Variants in SERPINE2 observed in about 807,000 individuals in gnomAD.
SERPINE2 encodes the protein serpin family E member 2.
A neutral mutation model predicts 36.3 loss-of-function variants in SERPINE2; 14 were observed. The ratio of observed to expected loss-of-function variants is 0.39; its 90% CI spans 0.25 to 0.60. The LOEUF is 0.60. Among genes scored for constraint, SERPINE2 ranks in the 20% least tolerant of loss-of-function variants. SERPINE2 has a pLI of 0.57. For missense variants in SERPINE2, 418 were observed against 499.6 expected (o/e 0.84, Z 1.56); for synonymous variants, 192 against 191.8 (o/e 1.00, Z -0.01).
intron 1 of SERPINE2, among the ~76,000 whole-genome samples, chr2:224,018,743 C>G (rs1333242902): frequency 1.3e-5 from 2 of 152,238 alleles, no homozygotes; most frequent in Non-Finnish European, 2.9e-5. Context: ...ACACCACCAA[C>G]TGTTCATCCA....
chr2:224,036,848 C>T (rs942379907), intron 1 of SERPINE2, among the ~76,000 whole-genome samples: 2 of 151,602 alleles, frequency 1.3e-5, no homozygotes, highest in African/African-American at 4.9e-5. Flanking sequence ...AAGAAAAAAG[C>T]TCACAGGGAG....
chr2:223,992,932 C>T (rs1222237762), intron 3 of SERPINE2, among the ~76,000 whole-genome samples: 2 of 152,078 alleles, frequency 1.3e-5, no homozygotes, highest in East Asian at 1.9e-4. Context: ...GGAAACATAG[C>T]TAGACCCCAT....
At chr2:224,023,907 C>G (rs1692094646) in intron 1 of SERPINE2, among the ~76,000 whole-genome samples, 1 of 152,192 alleles carries the variant, frequency 6.6e-6, no homozygotes, top group African/African-American at 2.4e-5. Context: ...GAAACCCATG[C>G]AGCTTTGGTC....
At chr2:223,986,076 T>C (rs1008772604) in intron 4 of SERPINE2, among the ~76,000 whole-genome samples, 2 of 152,178 alleles carry the variant, frequency 1.3e-5, no homozygotes, top group Non-Finnish European at 2.9e-5. Context: ...AACTTCAATA[T>C]GCCAGTTCTC....
intron 1 of SERPINE2, among the ~76,000 whole-genome samples, chr2:224,011,974 T>TA (rs1691638667): frequency 6.6e-6 from 1 of 152,244 alleles, no homozygotes; most frequent in Non-Finnish European, 1.5e-5. Flanking sequence ...ACCTGTTACC[T>TA]CGGTCAATTA....
chr2:223,986,332 C>A (rs937908000), intron 4 of SERPINE2, among the ~76,000 whole-genome samples: 1 of 152,134 alleles, frequency 6.6e-6, no homozygotes, highest in Non-Finnish European at 1.5e-5. Flanking sequence ...GTTCAGTAAC[C>A]CGGGTGCAGC....
chr2:224,038,981 T>G, intron 1 of SERPINE2, 118 bp downstream of exon 1: 1 of 152,990 alleles, frequency 6.5e-6, no homozygotes, highest in Non-Finnish European at 1.5e-5. Context: ...GCCCCGCAGC[T>G]TCCCGGCCGG....
At chr2:223,985,606 T>C (rs1277343728) in intron 4 of SERPINE2, among the ~76,000 whole-genome samples, 1 of 152,150 alleles carries the variant, frequency 6.6e-6, no homozygotes, top group African/African-American at 2.4e-5. Flanking sequence ...CAGGCCCATA[T>C]CAACCCTTCA....
chr2:224,014,849 C>T (rs1002427761), intron 1 of SERPINE2, among the ~76,000 whole-genome samples: 4 of 152,178 alleles, frequency 2.6e-5, no homozygotes, highest in Admixed American at 1.3e-4. Context: ...CCAGGCCTGG[C>T]GCTGGGATGC....
intron 1 of SERPINE2, among the ~76,000 whole-genome samples, chr2:224,032,383 G>A (rs1478708524): frequency 2.0e-5 from 3 of 152,072 alleles, no homozygotes; most frequent in Non-Finnish European, 4.4e-5. Flanking sequence ...AGCTATATTT[G>A]CTGGAACTAC....
At chr2:224,037,078 T>C (rs1431518252) in intron 1 of SERPINE2, among the ~76,000 whole-genome samples, 7 of 152,192 alleles carry the variant, frequency 4.6e-5, no homozygotes, top group Admixed American at 4.6e-4. Flanking sequence ...TTTTAGTTGG[T>C]TTTCTCCCAC....
intron 4 of SERPINE2, among the ~76,000 whole-genome samples, chr2:223,986,539 C>T (rs1383481915): frequency 6.6e-6 from 1 of 151,756 alleles, no homozygotes; most frequent in African/African-American, 2.4e-5. Context: ...TTGAAGAAAA[C>T]ATTAAATCTC....
chr2:223,984,534 C>T (rs1478362861), intron 5 of SERPINE2, among the ~76,000 whole-genome samples: 3 of 152,194 alleles, frequency 2.0e-5, no homozygotes, highest in Admixed American at 6.5e-5. Context: ...GTTGCCCTCT[C>T]TCCTTTCTTA....
intron 1 of SERPINE2, among the ~76,000 whole-genome samples, chr2:224,036,642 TA>T (rs59322455): frequency 0.21 from 29,537 of 142,606 alleles, 3,037 homozygotes; most frequent in African/African-American, 0.24. Flanking sequence ...TAATAAAAAT[TA>T]AAAAAAAAAA....
chr2:223,989,096 C>T lies in SERPINE2; in HGVS notation c.685+2707G>A, dbSNP rs145826755. On this transcript the variant is annotated intron_variant, in intron 4 of 8. Transcript: ENST00000409304. Reference sequence around the variant, plus strand: ...CATATATATTGTACATGGAGGTATACTGAGGATTTTGCAATGAGCATGAAA... The same window carrying T: ...CATATATATTGTACATGGAGGTATATTGAGGATTTTGCAATGAGCATGAAA... 9.6e-3 allele frequency among the ~76,000 whole-genome samples: 1,457 copies of T among 152,272 alleles called. 15 individuals carry two copies. Among genetic ancestry groups the T allele is most frequent in the Middle Eastern group, 0.051 (15 of 294 alleles).
chr2:223,992,234 A>G lies in SERPINE2; in HGVS notation c.488-234T>C, dbSNP rs563432055. On this transcript the variant is annotated intron_variant, in intron 3 of 8. Transcript: ENST00000409304. ...GAAAAGACTTTAGAAACCCCTAGCT[A>G]GGGGTTACAAAACTTTTCATCAAGA... Among the ~76,000 whole-genome samples, 3 of 152,294 alleles carry G rather than the reference A, an allele frequency of 2.0e-5. No individual in the cohort carries two copies. In the East Asian group the frequency reaches 5.8e-4, roughly 29 times the overall value.
intron 1 of SERPINE2, among the ~76,000 whole-genome samples, chr2:224,011,656 T>C (rs934968356): frequency 2.0e-5 from 3 of 152,224 alleles, no homozygotes; most frequent in African/African-American, 7.2e-5. Context: ...AAATTGATTT[T>C]TTAAAAATCT....
chr2:223,982,847 T>C (rs1690271353), intron 5 of SERPINE2, 66 bp from the exon 6 acceptor site: 1 of 1,130,096 alleles, frequency 8.8e-7, no homozygotes, highest in Non-Finnish European at 1.3e-6. Flanking sequence ...ATAGAGTCGG[T>C]GCATGTTTAC....
intron 4 of SERPINE2, among the ~76,000 whole-genome samples, chr2:223,990,212 G>A (rs1690608680): frequency 6.6e-6 from 1 of 152,184 alleles, no homozygotes; most frequent in Non-Finnish European, 1.5e-5. Flanking sequence ...CAGGGTGGAA[G>A]CGGGTAAAGA....
Sources: allele counts gnomAD v4.1 joint callset (sites outside exome capture counted in the v4.1 genomes callset), GRCh38; gene constraint gnomAD v4.1.1; transcripts MANE v1.5; gene names NCBI Gene and HGNC (gene_info 2026-07-23, HGNC 2026-07-21).